Variants in PTPN13 observed in about 807,000 individuals in gnomAD.
The protein encoded by PTPN13 is tyrosine-protein phosphatase non-receptor type 13.
Under a neutral mutation model 284.0 loss-of-function variants are expected in PTPN13, and 191 were observed. The ratio of observed to expected loss-of-function variants is 0.67; its 90% CI spans 0.60 to 0.76. The LOEUF is 0.76. Ranked by LOEUF, PTPN13 falls within the 30% of genes least tolerant of loss-of-function variation. The pLI, the probability that PTPN13 is intolerant of heterozygous loss-of-function variation, is 0.00. For missense variants in PTPN13, 2,797 were observed against 2,939.9 expected, an observed-to-expected ratio of 0.95 and a Z score of 1.12; for synonymous variants, 986 against 1,022.3, an observed-to-expected ratio of 0.96 and a Z score of 0.68.
chr4:86,811,255 T>A (rs374072089), intron 47 of PTPN13, 147 bp downstream of exon 47: 151 of 644,480 alleles, frequency 2.3e-4, no homozygotes, highest in African/African-American at 1.7e-3. Flanking sequence ...CATTTTTTTT[T>A]AAATGAGGAC....
At chr4:86,723,947 A>C (rs1017554543) in intron 10 of PTPN13, among the ~76,000 whole-genome samples, 3 of 152,236 alleles carry the variant, frequency 2.0e-5, no homozygotes, top group Non-Finnish European at 2.9e-5. Flanking sequence ...GCACATTTGT[A>C]TGCTCTGAAG....
chr4:86,709,021 C>G (rs1176097136), intron 7 of PTPN13, among the ~76,000 whole-genome samples: 2 of 151,826 alleles, frequency 1.3e-5, no homozygotes, highest in African/African-American at 4.8e-5. Flanking sequence ...GCCTCCCCAG[C>G]TCTGAATTTG....
At chr4:86,746,766 G>T (rs1736811674) in intron 17 of PTPN13, among the ~76,000 whole-genome samples, 1 of 152,098 alleles carries the variant, frequency 6.6e-6, no homozygotes, top group Non-Finnish European at 1.5e-5. Flanking sequence ...CAGACTAGGG[G>T]ATTACAGGCA....
Position 86,788,257 on chromosome 4 carries a change from C to A in PTPN13, c.6345+2321C>A, listed in dbSNP as rs143689884. Among the ~76,000 whole-genome samples the A allele has an allele frequency of 3.3e-3, 504 of 152,140 alleles. 1 individual carries two copies. The highest frequency in any genetic ancestry group is 0.012 in the African/African-American group (486 of 41,516). On this transcript the variant is annotated intron_variant, in intron 40 of 47. Coordinates refer to ENST00000411767, the MANE Select transcript of PTPN13 (RefSeq NM_080683.3). ...AATCTCCCCTAGCTGAAAAGAAGAC[C>A]AAGCTGGTATTCTGGAAAAGTTTTC...
chr4:86,619,321 T>C (rs1436527240), intron 1 of PTPN13, among the ~76,000 whole-genome samples: 1 of 152,220 alleles, frequency 6.6e-6, no homozygotes, highest in Non-Finnish European at 1.5e-5. Flanking sequence ...CATCTATGTA[T>C]ATTCCAGTAA....
chr4:86,807,100 A>G (rs1254528317), intron 44 of PTPN13, among the ~76,000 whole-genome samples: 1 of 152,178 alleles, frequency 6.6e-6, no homozygotes, highest in East Asian at 1.9e-4. Context: ...TTTGCAATAT[A>G]TACTTTAATA....
At chr4:86,624,367 A>G (rs2148674616) in intron 1 of PTPN13, among the ~76,000 whole-genome samples, 1 of 152,290 alleles carries the variant, frequency 6.6e-6, no homozygotes, top group Admixed American at 6.5e-5. Context: ...CAAAAAGAGA[A>G]TACCCAGGGA....
Position 86,688,519 on chromosome 4 carries a change from A to G in PTPN13, c.361-486A>G, listed in dbSNP as rs1309167100. Among the ~76,000 whole-genome samples, 13 of 152,240 alleles carry G rather than the reference A, an allele frequency of 8.5e-5. No homozygotes were observed. The East Asian group carries it at 2.5e-3, about 29-fold the overall frequency. ...ACATTCTGGCTTGTCTGTTTGACCA[A>G]CATAATGATAATTTATATTTAAATG... On this transcript the variant is annotated intron_variant, in intron 4 of 47. Transcript: ENST00000411767.
At chr4:86,659,440 A>G (rs944413598) in intron 2 of PTPN13, among the ~76,000 whole-genome samples, 1 of 152,198 alleles carries the variant, frequency 6.6e-6, no homozygotes, top group African/African-American at 2.4e-5. Context: ...AAGTTTTCCA[A>G]TATCTGATTA....
intron 1 of PTPN13, among the ~76,000 whole-genome samples, chr4:86,626,952 A>G (rs1032621844): frequency 6.6e-6 from 1 of 152,074 alleles, no homozygotes; most frequent in Non-Finnish European, 1.5e-5. Flanking sequence ...ACTGGAAACA[A>G]CCCCAAATGT....
chr4:86,733,796 C>T (rs1735207366), intron 12 of PTPN13, among the ~76,000 whole-genome samples: 1 of 152,078 alleles, frequency 6.6e-6, no homozygotes, highest in African/African-American at 2.4e-5. Flanking sequence ...TAATAGTTAA[C>T]TAATGACATT....
rs557694322 is a variant in PTPN13, at chr4:86,654,181, C to A, written c.116-18184C>A. Among the ~76,000 whole-genome samples the A allele has an allele frequency of 3.9e-5, 6 of 152,220 alleles. No individual in the cohort carries two copies. The South Asian group carries it at 1.0e-3, about 26-fold the overall frequency. On this transcript the variant is annotated intron_variant, in intron 2 of 47. Coordinates refer to ENST00000411767, the MANE Select transcript of PTPN13 (RefSeq NM_080683.3). ...AGAAATAACTAAGACCAGAGCAGAA[C>A]TGAAGGAGATAGACACACAAAAAAA...
rs150805085 is a variant in PTPN13 at position 86,663,679 on chromosome 4, T to C, written c.116-8686T>C. Among the ~76,000 whole-genome samples the C allele has an allele frequency of 2.6e-5, 4 of 152,300 alleles. 1 individual carries two copies. Among genetic ancestry groups the C allele is most frequent in the African/African-American group, 9.6e-5 (4 of 41,572 alleles). Reference sequence around the variant, plus strand: ...CTAAATGTCAGTGGCAGTCTCAAATTGGTGCTCTTTAATCAGCTTCCATAT... The same window carrying C: ...CTAAATGTCAGTGGCAGTCTCAAATCGGTGCTCTTTAATCAGCTTCCATAT... On this transcript the variant is annotated intron_variant, in intron 2 of 47. Transcript: ENST00000411767.
At chr4:86,713,468 G>A (rs1035906224) in intron 7 of PTPN13, among the ~76,000 whole-genome samples, 30 of 151,880 alleles carry the variant, frequency 2.0e-4, no homozygotes, top group African/African-American at 7.0e-4. Context: ...TTCATAATGA[G>A]CCAGAGGATT....
chr4:86,688,698 T>C (rs1000786935), intron 4 of PTPN13, among the ~76,000 whole-genome samples: 2 of 152,156 alleles, frequency 1.3e-5, no homozygotes, highest in African/African-American at 4.8e-5. Context: ...CGTGTGTACA[T>C]GTAGTAACTG....
intron 40 of PTPN13, 23 bp from the exon 41 acceptor site, chr4:86,796,851 A>G (rs1259225595): frequency 1.9e-5 from 27 of 1,425,266 alleles, no homozygotes; most frequent in Non-Finnish European, 2.5e-5. Context: ...GGCTGATTTG[A>G]TTCTTATATA....
In PTPN13 at chr4:86,672,562, T is replaced by G; in HGVS notation, c.294+19T>G. On this transcript the variant is annotated intron_variant, in intron 3 of 47. Coordinates refer to ENST00000411767, the MANE Select transcript of PTPN13 (RefSeq NM_080683.3). ...TGAAAAGGTAACTGTTAAATTTTTT[T>G]GTTTGTTTTTTTATTTGGGTGGGGA... 1 of 1,568,742 alleles carries G rather than the reference T, an allele frequency of 6.4e-7. No individual in the cohort carries two copies. The highest frequency in any genetic ancestry group is 1.2e-5 in the South Asian group (1 of 85,370).
intron 43 of PTPN13, 100 bp from the exon 44 acceptor site, chr4:86,805,179 C>T (rs1744517423): frequency 1.6e-6 from 1 of 644,750 alleles, no homozygotes; most frequent in South Asian, 2.3e-5. Context: ...TCAGAATCAG[C>T]CTTAATCAAC....
chr4:86,801,406 A>G (rs552094533), intron 42 of PTPN13, among the ~76,000 whole-genome samples: 7 of 152,298 alleles, frequency 4.6e-5, no homozygotes, highest in Admixed American at 4.6e-4. Context: ...AAATTTGATA[A>G]TTTTTTGTAA....
Sources: allele counts gnomAD v4.1 joint callset (sites outside exome capture counted in the v4.1 genomes callset), GRCh38; gene constraint gnomAD v4.1.1; transcripts MANE v1.5; gene names NCBI Gene and HGNC (gene_info 2026-07-23, HGNC 2026-07-21).